GRIK4: variants seen among roughly 807,000 people sequenced by gnomAD.
GRIK4 encodes the protein glutamate receptor ionotropic, kainate 4.
Under a neutral mutation model 104.9 loss-of-function variants are expected in GRIK4, and 40 were observed. The ratio of observed to expected loss-of-function variants is 0.38; its 90% CI spans 0.30 to 0.50. The LOEUF is 0.50. GRIK4 is among the 20% of genes least tolerant of loss of function. GRIK4 has a pLI of 0.93. For missense variants in GRIK4, 1,047 were observed against 1,308.1 expected, an observed-to-expected ratio of 0.80 and a Z score of 3.08; for synonymous variants, 485 against 524.9, an observed-to-expected ratio of 0.92 and a Z score of 1.04.
chr11:120,975,806 C>T (rs529163580), intron 19 of GRIK4, among the ~76,000 whole-genome samples: 116 of 152,150 alleles, frequency 7.6e-4, no homozygotes, highest in African/African-American at 2.7e-3. Context: ...GTGGAGTAGA[C>T]GGGAGGGGAC....
At chr11:120,755,937 T>C (rs1951643936) in intron 3 of GRIK4, among the ~76,000 whole-genome samples, 1 of 152,192 alleles carries the variant, frequency 6.6e-6, no homozygotes, top group Non-Finnish European at 1.5e-5. Flanking sequence ...GTTAAGTGAC[T>C]TGCCCAGAGT....
intron 19 of GRIK4, among the ~76,000 whole-genome samples, chr11:120,971,763 C>T (rs1267300156): frequency 6.6e-6 from 1 of 152,220 alleles, no homozygotes. Context: ...TTTAAGGGCA[C>T]ATGGCCTGGA....
At position 120,967,486 on chromosome 11, in the gene GRIK4, C is replaced by A. The variant is rs556184669; in HGVS notation, c.2395+163C>A. On this transcript the variant is annotated intron_variant, in intron 19 of 20. Transcript: ENST00000527524. The surrounding 1 kb of genome is among the most constrained non-coding windows in gnomAD (Gnocchi z 4.2). Reference sequence around the variant, plus strand: ...GGCTGGCGGGGGATCAGGTCTGTCCCAGGGTCTTGCGTATCGCAGGCACCC... The same window carrying A: ...GGCTGGCGGGGGATCAGGTCTGTCCAAGGGTCTTGCGTATCGCAGGCACCC... 1.3e-5 allele frequency among the ~76,000 whole-genome samples: 2 copies of A among 152,280 alleles called. No homozygotes were observed. The highest frequency in any genetic ancestry group is 6.5e-5 in the Admixed American group (1 of 15,304).
At chr11:120,895,924 C>T (rs1942566586) in intron 11 of GRIK4, among the ~76,000 whole-genome samples, 1 of 152,176 alleles carries the variant, frequency 6.6e-6, no homozygotes, top group Non-Finnish European at 1.5e-5. Flanking sequence ...AATCTCAGGC[C>T]ATAACATGGC....
intron 3 of GRIK4, among the ~76,000 whole-genome samples, chr11:120,666,803 G>C (rs1949922675): frequency 6.6e-6 from 1 of 152,196 alleles, no homozygotes; most frequent in Admixed American, 6.5e-5. Flanking sequence ...ATTCAACAGG[G>C]ATGAACACCA....
intron 6 of GRIK4, among the ~76,000 whole-genome samples, chr11:120,822,211 CAAAAAAAAAAAA>C (rs34732807): frequency 2.4e-4 from 17 of 71,644 alleles, no homozygotes; most frequent in African/African-American, 8.3e-4. Context: ...AACCCTATCT[CAAAAAAAAAAAA>C]AAAAAAAAAA....
intron 6 of GRIK4, among the ~76,000 whole-genome samples, chr11:120,824,367 A>G (rs1953200061): frequency 6.6e-6 from 1 of 152,060 alleles, no homozygotes; most frequent in Non-Finnish European, 1.5e-5. Context: ...GGGGCTTCCA[A>G]GGAGAGTTGG....
chr11:120,588,587 T>C (rs182704861), intron 1 of GRIK4, among the ~76,000 whole-genome samples: 179 of 152,184 alleles, frequency 1.2e-3, no homozygotes, highest in African/African-American at 4.0e-3. Flanking sequence ...GGGTGGTGGC[T>C]GCCGGGAGGC....
intron 1 of GRIK4, among the ~76,000 whole-genome samples, chr11:120,588,365 CCA>C (rs1948694287): frequency 6.6e-6 from 1 of 152,158 alleles, no homozygotes; most frequent in African/African-American, 2.4e-5. Context: ...CACCAGTCAC[CCA>C]GCACATACCT....
chr11:120,680,225 G>A (rs558840946), intron 3 of GRIK4, among the ~76,000 whole-genome samples: 7 of 152,122 alleles, frequency 4.6e-5, no homozygotes, highest in South Asian at 2.1e-4. Context: ...CTACAGGTGC[G>A]CTCCAGCATG....
intron 1 of GRIK4, among the ~76,000 whole-genome samples, chr11:120,603,453 T>C (rs1245799097): frequency 6.6e-6 from 1 of 152,258 alleles, no homozygotes; most frequent in Non-Finnish European, 1.5e-5. Context: ...TCGTTGTTTA[T>C]TTTTTCAGAG....
chr11:120,757,874 C>T (rs1253145787), intron 3 of GRIK4, among the ~76,000 whole-genome samples: 1 of 152,190 alleles, frequency 6.6e-6, no homozygotes, highest in Non-Finnish European at 1.5e-5. Context: ...GAACCTGAAG[C>T]TTCAGCTTCT....
intron 18 of GRIK4, among the ~76,000 whole-genome samples, chr11:120,963,769 G>T (rs1385370330): frequency 6.6e-6 from 1 of 152,120 alleles, no homozygotes; most frequent in African/African-American, 2.4e-5. Context: ...ATGTGTTCTG[G>T]TCACTGGCTG....
At chr11:120,623,598 C>T (rs967989220) in intron 1 of GRIK4, among the ~76,000 whole-genome samples, 2 of 152,186 alleles carry the variant, frequency 1.3e-5, no homozygotes, top group Non-Finnish European at 2.9e-5. Flanking sequence ...CCATTCTCTT[C>T]TATTTCATTA....
chr11:120,607,968 G>A (rs1565571648), intron 1 of GRIK4, among the ~76,000 whole-genome samples: 1 of 152,286 alleles, frequency 6.6e-6, no homozygotes, highest in South Asian at 2.1e-4. Flanking sequence ...AGTGGCTGCC[G>A]AGAGGAGTCA....
At chr11:120,635,907 C>G (rs1591757913) in intron 1 of GRIK4, among the ~76,000 whole-genome samples, 1 of 152,332 alleles carries the variant, frequency 6.6e-6, no homozygotes. Flanking sequence ...GAAACAGTTA[C>G]TAGTTGCTCC....
intron 3 of GRIK4, among the ~76,000 whole-genome samples, chr11:120,796,972 C>A (rs1356114707): frequency 2.6e-5 from 4 of 152,040 alleles, no homozygotes; most frequent in African/African-American, 4.8e-5. Context: ...AGGGCACAAT[C>A]AAGGGGCTCC....
intron 14 of GRIK4, among the ~76,000 whole-genome samples, chr11:120,942,350 C>T (rs1337711013): frequency 6.6e-6 from 1 of 152,156 alleles, no homozygotes; most frequent in Non-Finnish European, 1.5e-5. Context: ...TCTGGAGCTC[C>T]CCTCCCCCAC....
chr11:120,904,567 C>T (rs1312145836), intron 12 of GRIK4, among the ~76,000 whole-genome samples: 1 of 152,230 alleles, frequency 6.6e-6, no homozygotes, highest in Non-Finnish European at 1.5e-5. Context: ...CCCCCCTATA[C>T]CTTGTGTAAT....
Sources: allele counts gnomAD v4.1 joint callset (sites outside exome capture counted in the v4.1 genomes callset), GRCh38; gene constraint gnomAD v4.1.1; non-coding constraint Gnocchi (gnomAD v3.1); transcripts MANE v1.5; gene names NCBI Gene and HGNC (gene_info 2026-07-23, HGNC 2026-07-21).